The following FMN1 variants were observed in gnomAD, a reference collection of about 807,000 sequenced individuals.
The protein encoded by FMN1 is formin 1, also known as formin-1.
A neutral mutation model predicts 132.4 loss-of-function variants in FMN1; 110 were observed. The observed-to-expected ratio is 0.83, with a 90% CI of 0.71 to 0.97. The LOEUF (loss-of-function observed/expected upper bound fraction) is 0.97, where lower values mean the gene tolerates loss of function less well. FMN1 is among the 50% of genes least tolerant of loss of function. The pLI, the probability that FMN1 is intolerant of heterozygous loss-of-function variation, is 0.00. For missense variants in FMN1, 1,792 were observed against 1,705.3 expected, an observed-to-expected ratio of 1.05 and a Z score of -0.90; for synonymous variants, 722 against 651.7, an observed-to-expected ratio of 1.11 and a Z score of -1.64.
chr15:33,022,779 C>T (rs968609298), intron 6 of FMN1, among the ~76,000 whole-genome samples: 10 of 152,100 alleles, frequency 6.6e-5, no homozygotes, highest in Admixed American at 5.2e-4. Flanking sequence ...ACAGCACTAA[C>T]GTGGGGCAGG....
intron 4 of FMN1, among the ~76,000 whole-genome samples, chr15:33,136,234 G>A (rs1447355465): frequency 5.3e-5 from 8 of 152,174 alleles, no homozygotes; most frequent in Non-Finnish European, 1.2e-4. Context: ...CCCTCTCTGA[G>A]TCTTAGCTCC....
At chr15:33,170,721 TAGC>T (rs1260416109) in intron 3 of FMN1, among the ~76,000 whole-genome samples, 1 of 152,032 alleles carries the variant, frequency 6.6e-6, no homozygotes, top group East Asian at 1.9e-4. Context: ...TAATGGCTAA[TAGC>T]AGACAAAAAA....
At chr15:32,833,678 T>C (rs1177535017) in intron 17 of FMN1, among the ~76,000 whole-genome samples, 1 of 152,216 alleles carries the variant, frequency 6.6e-6, no homozygotes, top group African/African-American at 2.4e-5. Flanking sequence ...ATCTTTTTTC[T>C]GAAGGTCTCC....
intron 18 of FMN1, among the ~76,000 whole-genome samples, chr15:32,801,140 A>G (rs923381115): frequency 6.6e-6 from 1 of 152,196 alleles, no homozygotes; most frequent in Non-Finnish European, 1.5e-5. Context: ...GCAGTTTCAG[A>G]GAATGTCAAG....
chr15:32,832,087 T>C (rs568647394), intron 17 of FMN1, among the ~76,000 whole-genome samples: 1 of 152,184 alleles, frequency 6.6e-6, no homozygotes, highest in Non-Finnish European at 1.5e-5. Flanking sequence ...ACTCAGGCTT[T>C]GAATGTTTTA....
rs538163061 is a variant in FMN1 at position 33,102,860 on chromosome 15, A to C, written c.1868-13886T>G. Reference sequence around the variant, plus strand: ...AGTGTAAAGAAATGTACTTTTAGCAAATTTTCAAACCATGGAACTAATTAG... The same window carrying C: ...AGTGTAAAGAAATGTACTTTTAGCACATTTTCAAACCATGGAACTAATTAG... On this transcript the variant is annotated intron_variant, in intron 4 of 20. Coordinates refer to ENST00000616417, the MANE Select transcript of FMN1 (RefSeq NM_001277313.2). Among the ~76,000 whole-genome samples the C allele has an allele frequency of 5.9e-5, 9 of 152,176 alleles. No individual in the cohort carries two copies. The East Asian group carries it at 1.7e-3, about 29-fold the overall frequency.
chr15:32,857,846 G>A (rs1471486036), intron 16 of FMN1, among the ~76,000 whole-genome samples: 1 of 152,162 alleles, frequency 6.6e-6, no homozygotes, highest in African/African-American at 2.4e-5. Context: ...GTAAATCATA[G>A]TTCACCATCA....
intron 19 of FMN1, among the ~76,000 whole-genome samples, chr15:32,783,006 G>C (rs1175163490): frequency 2.0e-5 from 3 of 152,042 alleles, no homozygotes. Flanking sequence ...GGGAGAGTGG[G>C]GAAGACAGTG....
At chr15:32,792,565 A>G (rs2057126812) in intron 19 of FMN1, among the ~76,000 whole-genome samples, 1 of 152,200 alleles carries the variant, frequency 6.6e-6, no homozygotes. Context: ...AACAATCTCA[A>G]TATGCAGTTC....
chr15:33,163,284 T>C (rs1964966370), intron 3 of FMN1, among the ~76,000 whole-genome samples: 1 of 146,868 alleles, frequency 6.8e-6, no homozygotes, highest in Non-Finnish European at 1.5e-5. Context: ...TTTTGGTTTC[T>C]TGTCTTGTCT....
At chr15:33,050,144 G>A (rs79404119) in intron 6 of FMN1, among the ~76,000 whole-genome samples, 1 of 152,330 alleles carries the variant, frequency 6.6e-6, no homozygotes, top group East Asian at 1.9e-4. Context: ...GCTTGGCTAA[G>A]GTGATGTTCA....
intron 16 of FMN1, among the ~76,000 whole-genome samples, chr15:32,857,600 T>C (rs949595139): frequency 6.6e-6 from 1 of 152,146 alleles, no homozygotes; most frequent in African/African-American, 2.4e-5. Flanking sequence ...CATCCCAACA[T>C]GAGAACTAAG....
At chr15:32,942,902 C>T (rs1327488036) in intron 9 of FMN1, among the ~76,000 whole-genome samples, 79 of 152,044 alleles carry the variant, frequency 5.2e-4, no homozygotes, top group Admixed American at 5.2e-3. Context: ...CTATTTCACC[C>T]CACCAAAAAC....
intron 17 of FMN1, among the ~76,000 whole-genome samples, chr15:32,839,162 G>C (rs968349485): frequency 1.3e-5 from 2 of 152,150 alleles, no homozygotes; most frequent in East Asian, 1.9e-4. Context: ...GCCAAGCAAA[G>C]ATGGGTTCCA....
At chr15:33,080,543 A>G (rs1025592529) in intron 5 of FMN1, among the ~76,000 whole-genome samples, 3 of 152,176 alleles carry the variant, frequency 2.0e-5, no homozygotes, top group Non-Finnish European at 4.4e-5. Context: ...ACCTGACGTC[A>G]GGAGTTCAAG....
intron 16 of FMN1, among the ~76,000 whole-genome samples, chr15:32,883,502 C>T (rs1029414028): frequency 1.5e-5 from 1 of 66,400 alleles, no homozygotes; most frequent in Non-Finnish European, 2.8e-5. Context: ...AGAGCAAGAA[C>T]CTATCTCAAA....
chr15:32,971,006 C>G (rs567953660), intron 7 of FMN1, among the ~76,000 whole-genome samples: 1 of 152,176 alleles, frequency 6.6e-6, no homozygotes, highest in African/African-American at 2.4e-5. Flanking sequence ...CAGTGCAGAG[C>G]GCTGAGTGCC....
intron 10 of FMN1, among the ~76,000 whole-genome samples, chr15:32,914,976 G>A (rs765679223): frequency 6.6e-6 from 1 of 152,218 alleles, no homozygotes; most frequent in Non-Finnish European, 1.5e-5. Context: ...GTATTCCACT[G>A]AAGTTTCTCC....
chr15:32,873,584 T>C (rs979419995), intron 16 of FMN1, among the ~76,000 whole-genome samples: 5 of 151,814 alleles, frequency 3.3e-5, no homozygotes, highest in African/African-American at 1.2e-4. Flanking sequence ...GGCTATTACG[T>C]GGTTATACGT....
Sources: allele counts gnomAD v4.1 joint callset (sites outside exome capture counted in the v4.1 genomes callset), GRCh38; gene constraint gnomAD v4.1.1; transcripts MANE v1.5; gene names NCBI Gene and HGNC (gene_info 2026-07-23, HGNC 2026-07-21).